The following PLA1A variants were observed in gnomAD, a reference collection of about 807,000 sequenced individuals.
The protein encoded by PLA1A is phosphatidylserine-specific phospholipase A1alpha.
A neutral mutation model predicts 49.4 loss-of-function variants in PLA1A; 47 were observed. The observed-to-expected ratio is 0.95, with a 90% CI of 0.75 to 1.21. The LOEUF (loss-of-function observed/expected upper bound fraction) is 1.21. Ranked by LOEUF, PLA1A falls within the 50% of genes most tolerant of loss-of-function variation. The pLI, the probability that PLA1A is intolerant of heterozygous loss-of-function variation, is 0.00. For synonymous variants in PLA1A, 224 were observed against 207.9 expected (o/e 1.08, Z -0.67); for missense variants, 561 against 563.9 (o/e 0.99, Z 0.05).
At chr3:119,628,263 CT>C (rs1560090126) in intron 9 of PLA1A, among the ~76,000 whole-genome samples, 1 of 152,236 alleles carries the variant, frequency 6.6e-6, no homozygotes, top group Non-Finnish European at 1.5e-5. Context: ...ATGATGTTTT[CT>C]TGTTGCTGTT....
chr3:119,622,500 G>A (rs1021832167), intron 8 of PLA1A, among the ~76,000 whole-genome samples: 1 of 152,152 alleles, frequency 6.6e-6, no homozygotes, highest in Non-Finnish European at 1.5e-5. Flanking sequence ...CTTCTTGTGG[G>A]TTCTTGGCAT....
chr3:119,624,890 C>CA lies in PLA1A; in HGVS notation c.1013-231dup, dbSNP rs1433447328. Among the ~76,000 whole-genome samples the CA allele has an allele frequency of 1.2e-4, 19 of 152,362 alleles. 2 individuals carry two copies. Among genetic ancestry groups the CA allele is most frequent in the African/African-American group, 4.6e-4 (19 of 41,578 alleles). ...AGGTGATCCACTCGCCTCGGCCTCC[C>CA]AAAGTGCTGGGATTACAGGCGTGAA... is the stretch of plus-strand genomic sequence containing the variant. On this transcript the variant is annotated intron_variant, in intron 8 of 10. Transcript: ENST00000273371.
At chr3:119,598,045 A>C (rs2082565381) in intron 1 of PLA1A, 59 bp downstream of exon 1, 4 of 1,090,044 alleles carry the variant, frequency 3.7e-6, no homozygotes, top group Non-Finnish European at 5.5e-6. Context: ...ATATTTCTCC[A>C]ACTACTTATG....
intron 7 of PLA1A, 63 bp downstream of exon 7, chr3:119,618,249 C>A: frequency 7.2e-7 from 1 of 1,387,932 alleles, no homozygotes; most frequent in East Asian, 2.3e-5. Context: ...TGCTAGTTGT[C>A]CCCTCTTAAT....
intron 4 of PLA1A, 133 bp from the exon 5 acceptor site, chr3:119,612,884 C>T: frequency 1.8e-6 from 1 of 570,100 alleles, no homozygotes; most frequent in Non-Finnish European, 3.1e-6. Context: ...TGGTCCTCAG[C>T]TAATTCTCCC....
intron 4 of PLA1A, among the ~76,000 whole-genome samples, chr3:119,610,033 C>T (rs114630547): frequency 0.015 from 2,263 of 152,276 alleles, 15 homozygotes; most frequent in Non-Finnish European, 0.022. Flanking sequence ...TGTCCATGTG[C>T]ACCCAATGTT....
At chr3:119,626,693 G>A (rs1437924521) in intron 9 of PLA1A, among the ~76,000 whole-genome samples, 1 of 152,184 alleles carries the variant, frequency 6.6e-6, no homozygotes, top group African/African-American at 2.4e-5. Context: ...CATGAACTCT[G>A]CTGTGAGGCA....
chr3:119,623,717 C>CTTTTTT (rs35309675), intron 8 of PLA1A, among the ~76,000 whole-genome samples: 65 of 101,468 alleles, frequency 6.4e-4, no homozygotes, highest in Non-Finnish European at 8.2e-4. Context: ...TTCTCTCTTT[C>CTTTTTT]TTTTTTTTTT....
intron 7 of PLA1A, among the ~76,000 whole-genome samples, chr3:119,619,077 C>T (rs559309618): frequency 6.6e-6 from 1 of 152,216 alleles, no homozygotes; most frequent in South Asian, 2.1e-4. Context: ...CACTGAACAC[C>T]TGGTGGTGCT....
chr3:119,628,006 C>CT (rs954535561), intron 9 of PLA1A, among the ~76,000 whole-genome samples: 17 of 144,368 alleles, frequency 1.2e-4, no homozygotes, highest in South Asian at 4.5e-4. Context: ...TAAAGGGAAT[C>CT]TGGGGGGGCA....
At chr3:119,623,972 G>T (rs6800119) in intron 8 of PLA1A, among the ~76,000 whole-genome samples, 1 of 151,730 alleles carries the variant, frequency 6.6e-6, no homozygotes, top group Non-Finnish European at 1.5e-5. Context: ...TGATCCACCC[G>T]CCTTGGCCTC....
intron 6 of PLA1A, 95 bp downstream of exon 6, chr3:119,616,196 G>A: frequency 1.3e-6 from 1 of 761,624 alleles, no homozygotes; most frequent in Non-Finnish European, 2.4e-6. Context: ...GGCCATAGAG[G>A]GTCTACTTGA....
At chr3:119,610,985 G>T (rs754230001) in intron 4 of PLA1A, among the ~76,000 whole-genome samples, 2 of 152,128 alleles carry the variant, frequency 1.3e-5, no homozygotes, top group African/African-American at 4.8e-5. Context: ...AGTAATTTTT[G>T]TATATGGTGA....
In PLA1A at chr3:119,613,083, C is replaced by A; in HGVS notation, c.629C>A (p.Ala210Asp). The A allele has an allele frequency of 6.2e-7, 1 of 1,608,696 alleles. No individual in the cohort carries two copies. The highest frequency in any genetic ancestry group is 8.5e-7 in the Non-Finnish European group (1 of 1,177,368). ...SVEERLDAGDALFVEAIHTDT... is the reference protein window; with the variant it reads ...SVEERLDAGDDLFVEAIHTDT... ...GAAGAGCGCTTGGATGCTGGAGATGCCCTCTTCGTGGAAGCCATCCACACA... is the reference window on the plus strand; with the variant it reads ...GAAGAGCGCTTGGATGCTGGAGATGACCTCTTCGTGGAAGCCATCCACACA... The change falls in exon 5 of 11, where the codon GCC becomes GAC. Residue 210 changes from alanine to aspartate, a missense_variant. Physicochemically the swap from Ala to Asp is moderately radical, Grantham distance 126. Coordinates refer to ENST00000273371, the MANE Select transcript of PLA1A (RefSeq NM_015900.4).
chr3:119,608,674 A>G (rs1167185587), intron 2 of PLA1A, 96 bp from the exon 3 acceptor site: 3 of 958,806 alleles, frequency 3.1e-6, no homozygotes, highest in Non-Finnish European at 1.6e-6. Context: ...TCTAGTTTTG[A>G]TTTCTTTTCT....
chr3:119,607,749 T>C (rs1259157689), intron 2 of PLA1A, among the ~76,000 whole-genome samples: 2 of 152,276 alleles, frequency 1.3e-5, no homozygotes, highest in East Asian at 3.9e-4. Flanking sequence ...GCACATCTCA[T>C]ATTCCACCAC....
rs1180203790 is a variant in PLA1A at position 119,609,483 on chromosome 3, G to T, written c.469G>T (p.Glu157Ter). Reference protein sequence around the residue: ...LNKLLVLGVSESSIHIIGVSL... With the variant: ...LNKLLVLGVS ...GCTCTTCTAGGTGCTGGGTGTGTCG[G>T]AATCCTCAATCCACATCATTGGTGT... Residue 157 changes from glutamate (E) to a stop codon, truncating the protein, a stop_gained, in exon 4 of 11, where the codon GAA (glutamate) becomes TAA (stop). Transcript: ENST00000273371. LOFTEE classifies it high-confidence loss of function. 4 of 1,610,926 alleles carry T rather than the reference G, an allele frequency of 2.5e-6. No homozygotes were observed. The highest frequency in any genetic ancestry group is 3.4e-6 in the Non-Finnish European group (4 of 1,177,216).
chr3:119,607,664 C>G (rs1015278764), intron 2 of PLA1A, among the ~76,000 whole-genome samples: 1 of 152,204 alleles, frequency 6.6e-6, no homozygotes, highest in Non-Finnish European at 1.5e-5. Context: ...CCTCTCAGGT[C>G]CCTGGACTCC....
At chr3:119,611,092 AT>A in intron 4 of PLA1A, among the ~76,000 whole-genome samples, 1 of 152,036 alleles carries the variant, frequency 6.6e-6, no homozygotes, top group South Asian at 2.1e-4. Context: ...AAAAGTGTTA[AT>A]TTTTGTCAAC....
Sources: allele counts gnomAD v4.1 joint callset (sites outside exome capture counted in the v4.1 genomes callset), GRCh38; gene constraint gnomAD v4.1.1; transcripts MANE v1.5; gene names NCBI Gene and HGNC (gene_info 2026-07-23, HGNC 2026-07-21).